Variants in ZDHHC24 observed in about 807,000 individuals in gnomAD.
ZDHHC24 encodes the protein probable palmitoyltransferase ZDHHC24.
ZDHHC24 carries 17 observed loss-of-function variants against 23.2 expected under a neutral mutation model. The ratio of observed to expected loss-of-function variants is 0.73; its 90% CI spans 0.50 to 1.10. The LOEUF is 1.10. ZDHHC24 is among the 50% of genes least tolerant of loss of function. The pLI is 0.00. For missense variants in ZDHHC24, 366 were observed against 393.0 expected, an observed-to-expected ratio of 0.93 and a Z score of 0.58; for synonymous variants, 186 against 194.5, an observed-to-expected ratio of 0.96 and a Z score of 0.36.
intron 2 of ZDHHC24, chr11:66,529,808 C>T: frequency 6.2e-7 from 1 of 1,610,636 alleles, no homozygotes; most frequent in Non-Finnish European, 8.5e-7. Context: ...CTCTGGGACC[C>T]TTCTCCACAG....
chr11:66,541,894 C>T (rs1857163250), intron 2 of ZDHHC24, among the ~76,000 whole-genome samples: 1 of 151,916 alleles, frequency 6.6e-6, no homozygotes, highest in Admixed American at 6.6e-5. Flanking sequence ...GGGCAAGTCC[C>T]TTGGGAAGCT....
At position 66,537,828 on chromosome 11, in the gene ZDHHC24, T is replaced by C. The variant is rs1857021621; in HGVS notation, c.*1701A>G. 6.6e-6 allele frequency: 1 copy of C among 151,622 alleles called. No individual in the cohort carries two copies. Among genetic ancestry groups the C allele is most frequent in the South Asian group, 2.1e-4 (1 of 4,814 alleles). The allele number at this position is 151,622 out of a possible 1,614,324, so 9.4% of individuals were successfully genotyped here. A position where few individuals can be genotyped will look rare whatever the true frequency, so the allele number is the denominator to read the frequency against. On this transcript the variant is annotated 3_prime_UTR_variant, in exon 3 of 3. Transcript: ENST00000310442. ...CTGTAGTCCCAGCTACTTGAGAGGC[T>C]GAGGCAGGAGAATGGCGTGAACCCA...
downstream of ZDHHC24, chr11:66,533,761 A>G: frequency 6.6e-6 from 1 of 152,188 alleles, no homozygotes; most frequent in Admixed American, 6.5e-5. Flanking sequence ...TTTCCAGGTA[A>G]ATTGCCTTTG....
chr11:66,539,276 C>G lies in ZDHHC24; in HGVS notation c.*253G>C, dbSNP rs1295801883. On this transcript the variant is annotated 3_prime_UTR_variant, in exon 3 of 3. Coordinates refer to ENST00000310442, the MANE Select transcript of ZDHHC24 (RefSeq NM_207340.3). ...AGGGAGGCTGAGAAACAAGTCAGTG[C>G]TTTATTAACCTGGCAAAGGGGCAGC... 2.5e-6 allele frequency: 3 copies of G among 1,222,736 alleles called. No homozygotes were observed. Among genetic ancestry groups the G allele is most frequent in the Admixed American group, 8.5e-5 (2 of 23,460 alleles). The allele number at this position is 1,222,736 out of a possible 1,614,324, so 75.7% of individuals were successfully genotyped here.
At chr11:66,526,913 G>A (rs772936363) in intron 4 of ZDHHC24, 14 of 1,607,192 alleles carry the variant, frequency 8.7e-6, no homozygotes, top group South Asian at 4.4e-5. Flanking sequence ...AGGAGATCTC[G>A]GCCAACTAGG....
chr11:66,540,283 G>A (rs1271267145), intron 2 of ZDHHC24, among the ~76,000 whole-genome samples: 5 of 152,102 alleles, frequency 3.3e-5, no homozygotes, highest in East Asian at 1.9e-4. Flanking sequence ...GCCAGACGTG[G>A]TGGCAGGCGC....
At chr11:66,525,214 A>T (rs1304443585) in intron 4 of ZDHHC24, among the ~76,000 whole-genome samples, 4 of 147,356 alleles carry the variant, frequency 2.7e-5, no homozygotes, top group African/African-American at 1.0e-4. Context: ...AAAAAAAAAA[A>T]GCCGGGTGTG....
downstream of ZDHHC24, chr11:66,532,924 C>T (rs965760651): frequency 6.6e-6 from 1 of 152,238 alleles, no homozygotes; most frequent in Non-Finnish European, 1.5e-5. Context: ...TATAGATGCC[C>T]TTCTACATCC....
chr11:66,527,949 G>T (rs1163053986), intron 3 of ZDHHC24, among the ~76,000 whole-genome samples: 1 of 152,154 alleles, frequency 6.6e-6, no homozygotes, highest in Non-Finnish European at 1.5e-5. Context: ...CAAGAAAGCA[G>T]GCCCGGTTCG....
At position 66,545,220 on chromosome 11, in the gene ZDHHC24, T is replaced by G. The variant is rs527844509; in HGVS notation, c.281+503A>C. Among the ~76,000 whole-genome samples the G allele has an allele frequency of 1.2e-4, 18 of 152,270 alleles. No individual in the cohort carries two copies. In the South Asian group the frequency reaches 3.5e-3, roughly 30 times the overall value. On this transcript the variant is annotated intron_variant, in intron 1 of 2. Transcript: ENST00000310442. This position sits in a 1 kb window ranked among gnomAD's most constrained non-coding sequence, Gnocchi z 4.5. Reference sequence around the variant, plus strand: ...ATGCCCGACTAATTTTTTTATATTTTTAGTAGAGACGGGGTTTCACCACGT... The same window carrying G: ...ATGCCCGACTAATTTTTTTATATTTGTAGTAGAGACGGGGTTTCACCACGT...
intron 1 of ZDHHC24, among the ~76,000 whole-genome samples, chr11:66,544,531 T>TA: frequency 6.6e-6 from 1 of 152,308 alleles, no homozygotes; most frequent in South Asian, 2.1e-4. Context: ...TCTGGGAACA[T>TA]ACATGCTGGG....
At chr11:66,523,866 A>T in intron 4 of ZDHHC24, 2 of 1,613,426 alleles carry the variant, frequency 1.2e-6, no homozygotes, top group Non-Finnish European at 1.7e-6. Flanking sequence ...GCCCTGCTCA[A>T]TGTCATCCAC....
intron 2 of ZDHHC24, chr11:66,529,957 G>T: frequency 1.9e-6 from 3 of 1,598,798 alleles, no homozygotes; most frequent in Non-Finnish European, 2.5e-6. Context: ...GCCGTGGTGA[G>T]CATCTGGGTG....
intron 2 of ZDHHC24, 93 bp from the exon 3 acceptor site, chr11:66,539,917 C>T (rs1180227056): frequency 7.9e-7 from 1 of 1,267,442 alleles, no homozygotes; most frequent in Non-Finnish European, 1.1e-6. Context: ...GGGCTCATTC[C>T]TCCGCTCAGC....
At position 66,543,766 on chromosome 11, in the gene ZDHHC24, C is replaced by T. The variant is rs778111676; in HGVS notation, c.497G>A (p.Arg166Gln). The T allele has an allele frequency of 7.5e-6, 12 of 1,608,464 alleles. No individual in the cohort carries two copies. The East Asian group carries it at 1.6e-4, about 21-fold the overall frequency. The change falls in exon 2 of 3, where the codon CGA becomes CAA. Residue 166 changes from arginine to glutamine, a missense_variant. Arg to Gln is a conservative substitution (Grantham distance 43). Transcript: ENST00000310442. ...LLGPALSALL[R>Q]AHTPLHMAAL... ...AGCCATGTGGAGGGGCGTGTGGGCT[C>T]GCAGCAGGGCCGACAGTGCAGGGCC... is the stretch of plus-strand genomic sequence containing the variant.
At chr11:66,525,094 G>A (rs967539860) in intron 4 of ZDHHC24, among the ~76,000 whole-genome samples, 29 of 152,200 alleles carry the variant, frequency 1.9e-4, no homozygotes, top group African/African-American at 5.8e-4. Flanking sequence ...CAGCTACTCA[G>A]GAGGCTGAGG....
chr11:66,539,865 G>C, intron 2 of ZDHHC24, 41 bp from the exon 3 acceptor site: 1 of 1,498,142 alleles, frequency 6.7e-7, no homozygotes, highest in Non-Finnish European at 8.9e-7. Flanking sequence ...GGGGCAGTGG[G>C]GTCCGGCTTT....
chr11:66,523,479 G>A (rs529212299), intron 4 of ZDHHC24: 1 of 1,614,126 alleles, frequency 6.2e-7, no homozygotes, highest in African/African-American at 1.3e-5. Context: ...CCCAAGTACT[G>A]CATCGAGCTG....
chr11:66,539,841 G>A lies in ZDHHC24; in HGVS notation c.560-17C>T, dbSNP rs1857097892. 6.3e-7 allele frequency: 1 copy of A among 1,575,436 alleles called. No individual in the cohort carries two copies. Among genetic ancestry groups the A allele is most frequent in the African/African-American group, 1.4e-5 (1 of 74,022 alleles). On this transcript the variant is annotated splice_polypyrimidine_tract_variant and intron_variant, in intron 2 of 2. Coordinates refer to ENST00000310442, the MANE Select transcript of ZDHHC24 (RefSeq NM_207340.3). ...ACACTCTGCCTGCAATAAAAGAGCA[G>A]AGAGGGTCAGGGAGGGGCAGTGGGG...
Sources: gnomAD v4.1 joint callset for allele counts (sites outside exome capture counted in the v4.1 genomes callset) on GRCh38, gnomAD v4.1.1 for gene constraint, Gnocchi (gnomAD v3.1) non-coding constraint, MANE v1.5 for transcripts, NCBI Gene and HGNC (gene_info 2026-07-23, HGNC 2026-07-21) for gene names.